The following TNFSF4 variants were observed in gnomAD, a reference collection of about 807,000 sequenced individuals.
The protein encoded by TNFSF4 is TNF superfamily member 4.
Under a neutral mutation model 7.3 loss-of-function variants are expected in TNFSF4, and 4 were observed. That is an observed-to-expected ratio of 0.55 (90% CI 0.27 to 1.25). The LOEUF (loss-of-function observed/expected upper bound fraction) is 1.25. Among genes scored for constraint, TNFSF4 ranks in the 50% most tolerant of loss-of-function variants. The pLI, the probability that TNFSF4 is intolerant of heterozygous loss-of-function variation, is 0.12. For missense variants in TNFSF4, 181 were observed against 208.8 expected, an observed-to-expected ratio of 0.87 and a Z score of 0.82; for synonymous variants, 76 against 83.7, an observed-to-expected ratio of 0.91 and a Z score of 0.50.
chr1:173,303,566 G>C, the TNFSF4 span, among the ~76,000 whole-genome samples: 62 of 151,894 alleles, frequency 4.1e-4, no homozygotes, highest in African/African-American at 1.3e-3. Flanking sequence ...CTATCACCTA[G>C]TTTATGTGAT....
chr1:173,210,727 G>GA (rs1332600921), upstream of TNFSF4, among the ~76,000 whole-genome samples: 2 of 130,674 alleles, frequency 1.5e-5, no homozygotes, highest in South Asian at 2.5e-4. Flanking sequence ...AATAATTCTA[G>GA]GGGGGGGAAA....
the TNFSF4 span, among the ~76,000 whole-genome samples, chr1:173,380,658 C>G: frequency 1.3e-5 from 2 of 152,150 alleles, no homozygotes; most frequent in Admixed American, 1.3e-4. Context: ...TCCTCATCCC[C>G]TCTTTCAATC....
At chr1:173,397,681 G>T in the TNFSF4 span, among the ~76,000 whole-genome samples, 1 of 152,174 alleles carries the variant, frequency 6.6e-6, no homozygotes, top group African/African-American at 2.4e-5. Context: ...ACTGACTTGT[G>T]AAGTGAGAGC....
At chr1:173,297,317 C>T in the TNFSF4 span, among the ~76,000 whole-genome samples, 2 of 150,936 alleles carry the variant, frequency 1.3e-5, no homozygotes, top group Non-Finnish European at 3.0e-5. Context: ...TGGCAACACA[C>T]GAAAAAAAAA....
At chr1:173,404,448 C>T in the TNFSF4 span, among the ~76,000 whole-genome samples, 2 of 152,142 alleles carry the variant, frequency 1.3e-5, no homozygotes, top group East Asian at 3.8e-4. Context: ...TTAGAACTTA[C>T]CATGTACCAG....
At chr1:173,375,743 G>A in the TNFSF4 span, among the ~76,000 whole-genome samples, 3 of 152,074 alleles carry the variant, frequency 2.0e-5, no homozygotes, top group Non-Finnish European at 4.4e-5. Context: ...CATGCGAGGG[G>A]ACAAATAAGG....
intron 1 of TNFSF4, among the ~76,000 whole-genome samples, chr1:173,204,910 CACACACACACACAA>C (rs1444906022): frequency 7.4e-6 from 1 of 134,456 alleles, no homozygotes; most frequent in African/African-American, 3.7e-5. Context: ...GAAACACACA[CACACACACACACAA>C]ACACACACAC....
the TNFSF4 span, among the ~76,000 whole-genome samples, chr1:173,178,181 C>T: frequency 3.3e-5 from 5 of 152,094 alleles, no homozygotes; most frequent in East Asian, 1.9e-4. Flanking sequence ...CCACAAGTCC[C>T]GAAGTCAATG....
At chr1:173,229,048 G>A in the TNFSF4 span, among the ~76,000 whole-genome samples, 1 of 152,164 alleles carries the variant, frequency 6.6e-6, no homozygotes, top group Non-Finnish European at 1.5e-5. Flanking sequence ...TAGCAAGGCA[G>A]ACCAACAATC....
chr1:173,255,998 T>G, the TNFSF4 span, among the ~76,000 whole-genome samples: 1 of 152,134 alleles, frequency 6.6e-6, no homozygotes, highest in Non-Finnish European at 1.5e-5. Flanking sequence ...TACAATTCCT[T>G]GAAAATTTCT....
chr1:173,260,065 G>GA, the TNFSF4 span, among the ~76,000 whole-genome samples: 1 of 152,076 alleles, frequency 6.6e-6, no homozygotes, highest in East Asian at 1.9e-4. Context: ...CAAAATGAAG[G>GA]AAAAAATGTT....
the TNFSF4 span, among the ~76,000 whole-genome samples, chr1:173,335,764 T>C: frequency 1.3e-5 from 2 of 152,166 alleles, no homozygotes; most frequent in African/African-American, 4.8e-5. Context: ...AGGCAGGTCT[T>C]CTTGAGGAAG....
the TNFSF4 span, among the ~76,000 whole-genome samples, chr1:173,338,894 T>C: frequency 7.9e-5 from 12 of 152,268 alleles, no homozygotes; most frequent in Admixed American, 7.2e-4. Context: ...CTGGGGTGAT[T>C]AAACCTGGCT....
chr1:173,446,964 A>C, the TNFSF4 span, among the ~76,000 whole-genome samples: 2 of 152,144 alleles, frequency 1.3e-5, no homozygotes. Flanking sequence ...ACTCCCCTTC[A>C]TATATACATC....
chr1:173,282,906 C>A, the TNFSF4 span, among the ~76,000 whole-genome samples: 1 of 152,136 alleles, frequency 6.6e-6, no homozygotes, highest in Non-Finnish European at 1.5e-5. Flanking sequence ...ACCAACCTGG[C>A]AGGCATTTCC....
chr1:173,408,432 AAG>A, the TNFSF4 span, among the ~76,000 whole-genome samples: 5 of 152,174 alleles, frequency 3.3e-5, no homozygotes, highest in Non-Finnish European at 7.4e-5. Context: ...ATAAGGAAGA[AAG>A]TAAGTTTTTT....
chr1:173,323,476 G>A, the TNFSF4 span, among the ~76,000 whole-genome samples: 26 of 152,354 alleles, frequency 1.7e-4, no homozygotes, highest in South Asian at 6.2e-4. Context: ...CCAAAGGAAC[G>A]CAGCTCCTCA....
rs1224263245 is a variant in TNFSF4 at position 173,194,765 on chromosome 1, C to A, written c.154-6196G>T. On this transcript the variant is annotated intron_variant, in intron 1 of 2. Coordinates refer to ENST00000281834, the MANE Select transcript of TNFSF4 (RefSeq NM_003326.5). ...AAAAAAATAGCTGGACATGGTGGTA[C>A]ACCTCTGTGGTCCCAACTGCTTGGG... is the stretch of plus-strand genomic sequence containing the variant. 3.3e-5 allele frequency among the ~76,000 whole-genome samples: 5 copies of A among 151,432 alleles called. No homozygotes were observed. The East Asian group carries it at 9.7e-4, about 29-fold the overall frequency.
chr1:173,290,531 A>T, the TNFSF4 span, among the ~76,000 whole-genome samples: 1 of 152,228 alleles, frequency 6.6e-6, no homozygotes, highest in African/African-American at 2.4e-5. Flanking sequence ...CAATTCAACA[A>T]GAAGACTTAA....
Sources: gnomAD v4.1 joint callset for allele counts (sites outside exome capture counted in the v4.1 genomes callset) on GRCh38, gnomAD v4.1.1 for gene constraint, MANE v1.5 for transcripts, NCBI Gene and HGNC (gene_info 2026-07-23, HGNC 2026-07-21) for gene names.